PRP4K: variants seen among roughly 807,000 people sequenced by gnomAD.
PRP4K encodes the protein serine/threonine-protein kinase PRP4 homolog.
chr6:4,026,615 A>C, the PRP4K span, among the ~76,000 whole-genome samples: 4 of 152,032 alleles, frequency 2.6e-5, no homozygotes, highest in Non-Finnish European at 4.4e-5. Flanking sequence ...ATGTTATTCT[A>C]TATATATAAT....
the PRP4K span, among the ~76,000 whole-genome samples, chr6:4,025,458 A>T: frequency 1.3e-5 from 2 of 152,212 alleles, no homozygotes; most frequent in African/African-American, 4.8e-5. Flanking sequence ...TTGAGAGATG[A>T]GTTGAGACTG....
At chr6:4,055,774 A>G in the PRP4K span, among the ~76,000 whole-genome samples, 2 of 152,236 alleles carry the variant, frequency 1.3e-5, no homozygotes, top group African/African-American at 2.4e-5. Context: ...TTTCTTGACT[A>G]ATACCTTCTT....
chr6:4,046,603 G>C, the PRP4K span, among the ~76,000 whole-genome samples: 1 of 151,736 alleles, frequency 6.6e-6, no homozygotes, highest in African/African-American at 2.4e-5. Context: ...TCATTGCTTA[G>C]CTATTAGCTT....
chr6:4,021,493 A>C, the PRP4K span: 1 of 1,571,292 alleles, frequency 6.4e-7, no homozygotes, highest in Non-Finnish European at 8.6e-7. Flanking sequence ...AGTGGGCCAG[A>C]AGCTGGAGCC....
At chr6:4,045,340 T>C in the PRP4K span, among the ~76,000 whole-genome samples, 3 of 152,190 alleles carry the variant, frequency 2.0e-5, no homozygotes, top group East Asian at 5.8e-4. Flanking sequence ...ACAGTCTGTA[T>C]ATAGTTTACC....
chr6:4,043,769 C>CATCCAATTTTATGAGCT, the PRP4K span: 2 of 1,552,568 alleles, frequency 1.3e-6, no homozygotes, highest in East Asian at 4.6e-5. Flanking sequence ...ATTTGGATAG[C>CATCCAATTTTATGAGCT]ATCCAATTTT....
At chr6:4,052,619 C>T in the PRP4K span, 4 of 958,632 alleles carry the variant, frequency 4.2e-6, no homozygotes, top group Non-Finnish European at 5.9e-6. Context: ...TTATTTTGCG[C>T]TTGATTTTAC....
chr6:4,021,959 G>C, the PRP4K span, among the ~76,000 whole-genome samples: 1 of 152,156 alleles, frequency 6.6e-6, no homozygotes, highest in Non-Finnish European at 1.5e-5. Flanking sequence ...GAGCGGAGGT[G>C]CTGGGGTCAC....
At chr6:4,036,236 A>G in the PRP4K span, among the ~76,000 whole-genome samples, 106,763 of 151,854 alleles carry the variant, frequency 0.7, 37,607 homozygotes, top group East Asian at 0.77. Context: ...TTCTGGGGAG[A>G]CTGGAGGCAG....
At chr6:4,059,187 A>G in the PRP4K span, among the ~76,000 whole-genome samples, 6,896 of 152,084 alleles carry the variant, frequency 0.045, 520 homozygotes, top group African/African-American at 0.16. Flanking sequence ...TTACCTATGA[A>G]ATAATATTTA....
At chr6:4,042,300 C>G in the PRP4K span, among the ~76,000 whole-genome samples, 1 of 152,142 alleles carries the variant, frequency 6.6e-6, no homozygotes, top group African/African-American at 2.4e-5. Context: ...AAAACTGAGA[C>G]AAAGGTTAGG....
At chr6:4,029,012 CTTTTTTTTTTTT>C in the PRP4K span, among the ~76,000 whole-genome samples, 103,584 of 133,048 alleles carry the variant, frequency 0.78, 39,660 homozygotes, top group African/African-American at 0.82. Context: ...TACTTGGAAT[CTTTTTTTTTTTT>C]TTTTTTTTTA....
chr6:4,032,399 C>T, the PRP4K span: 4 of 1,613,958 alleles, frequency 2.5e-6, no homozygotes, highest in East Asian at 4.5e-5. Context: ...AATCCAGATC[C>T]CCAGTTGATT....
the PRP4K span, chr6:4,047,340 G>A: frequency 1.9e-6 from 2 of 1,069,842 alleles, no homozygotes; most frequent in Admixed American, 2.3e-5. Flanking sequence ...TAAAGCAAAT[G>A]TAATAAATAT....
chr6:4,032,288 T>G, the PRP4K span: 1 of 1,613,214 alleles, frequency 6.2e-7, no homozygotes, highest in Non-Finnish European at 8.5e-7. Flanking sequence ...AGGCCAGATC[T>G]CCTACTGATG....
chr6:4,049,188 T>A, the PRP4K span: 1 of 1,264,836 alleles, frequency 7.9e-7, no homozygotes, highest in Non-Finnish European at 1.1e-6. Context: ...CACAGATTAT[T>A]GGAGAACTCT....
the PRP4K span, chr6:4,063,151 C>A: frequency 6.6e-6 from 1 of 152,194 alleles, no homozygotes; most frequent in Non-Finnish European, 1.5e-5. Context: ...TATTAAAAAA[C>A]AATCCTTCAT....
At chr6:4,056,065 GTTAAAA>G in the PRP4K span, among the ~76,000 whole-genome samples, 8 of 151,058 alleles carry the variant, frequency 5.3e-5, no homozygotes, top group Non-Finnish European at 1.0e-4. Context: ...AAATGCAGTT[GTTAAAA>G]TTAAATGTAC....
the PRP4K span, among the ~76,000 whole-genome samples, chr6:4,039,982 C>T: frequency 1.3e-5 from 2 of 151,948 alleles, no homozygotes; most frequent in East Asian, 3.9e-4. Flanking sequence ...ACTGCAGCCT[C>T]AACCTCCTGG....
Sources: gnomAD v4.1 joint callset for allele counts (sites outside exome capture counted in the v4.1 genomes callset) on GRCh38, gnomAD v4.1.1 for gene constraint, MANE v1.5 for transcripts, NCBI Gene and HGNC (gene_info 2026-07-23, HGNC 2026-07-21) for gene names.